The following SLC25A43 variants were observed in gnomAD, a reference collection of about 807,000 sequenced individuals.
SLC25A43 encodes solute carrier family 25 member 43.
In SLC25A43, 10 loss-of-function variants were observed where a neutral mutation model predicts 22.8. The ratio of observed to expected loss-of-function variants is 0.44; its 90% CI spans 0.27 to 0.74. SLC25A43 has a LOEUF of 0.74. SLC25A43 is among the 30% of genes least tolerant of loss of function. SLC25A43 has a pLI of 0.17. For missense variants in SLC25A43, 233 were observed against 279.1 expected, an observed-to-expected ratio of 0.83 and a Z score of 1.18; for synonymous variants, 106 against 121.6, an observed-to-expected ratio of 0.87 and a Z score of 0.84.
intron 3 of SLC25A43, among the ~76,000 whole-genome samples, chrX:119,415,290 C>A (rs912569177): frequency 4.5e-5 from 5 of 111,019 alleles, no homozygotes; most frequent in African/African-American, 1.6e-4. Flanking sequence ...AGGCTGGTAT[C>A]AAACTCCTGG....
intron 3 of SLC25A43, among the ~76,000 whole-genome samples, chrX:119,431,858 G>A (rs190875763): frequency 3.6e-5 from 4 of 111,213 alleles, no homozygotes; most frequent in South Asian, 3.8e-4. Flanking sequence ...AGGTCTAAAC[G>A]AGAAGCTAAG....
chrX:119,434,651 A>G (rs11795581), intron 3 of SLC25A43: 21,132 of 107,412 alleles, frequency 0.2, 1,654 homozygotes, highest in African/African-American at 0.24. Context: ...CAGCATCACT[A>G]TGGTGACCTC....
At chrX:119,446,151 CAAAAAAAAAAA>C (rs3078475) in intron 3 of SLC25A43, among the ~76,000 whole-genome samples, 8 of 38,696 alleles carry the variant, frequency 2.1e-4, no homozygotes, top group Admixed American at 4.6e-4. Flanking sequence ...GACTCCATCT[CAAAAAAAAAAA>C]AAAAAAAAAA....
chrX:119,437,025 G>C (rs1430975283), intron 3 of SLC25A43, among the ~76,000 whole-genome samples: 1 of 11,089 alleles, frequency 9.0e-5, no homozygotes, highest in Non-Finnish European at 1.6e-4. Context: ...TTGGTAGCTT[G>C]ATGGGGATGG....
At chrX:119,444,139 G>T (rs1446283055) in intron 3 of SLC25A43, among the ~76,000 whole-genome samples, 1 of 111,483 alleles carries the variant, frequency 9.0e-6, no homozygotes, top group Non-Finnish European at 1.9e-5. Flanking sequence ...ATAAAATAAA[G>T]AATTGTGAAA....
chrX:119,442,874 C>A (rs1255992826), intron 3 of SLC25A43, among the ~76,000 whole-genome samples: 1 of 112,241 alleles, frequency 8.9e-6, no homozygotes, highest in Admixed American at 9.5e-5. Flanking sequence ...CACTCTTATA[C>A]TGAGCATTTT....
intron 3 of SLC25A43, among the ~76,000 whole-genome samples, chrX:119,428,750 A>T (rs2052529344): frequency 8.9e-6 from 1 of 112,212 alleles, no homozygotes; most frequent in Non-Finnish European, 1.9e-5. Context: ...GCGTGAAGTG[A>T]GTGGCCAGCG....
chrX:119,399,395 C>A lies in SLC25A43; in HGVS notation c.-9C>A. 1.0e-6 allele frequency: 1 copy of A among 994,486 alleles called. No individual in the cohort carries two copies. Among genetic ancestry groups the A allele is most frequent in the South Asian group, 3.3e-5 (1 of 29,945 alleles). The allele number at this position is 994,486 out of a possible 1,213,427, so 82.0% of individuals were successfully genotyped here. A position where few individuals can be genotyped will look rare whatever the true frequency, so the allele number is the denominator to read the frequency against. On this transcript the variant is annotated 5_prime_UTR_variant, in exon 1 of 5. Transcript: ENST00000217909. The stretch of plus-strand genomic sequence containing the variant: ...GCCACGCGGTCTTCCGGGCCCGGGT[C>A]GGGGCTCGATGGCTACGTGGAGGCG...
chrX:119,406,408 CT>C, intron 1 of SLC25A43, 51 bp from the exon 2 acceptor site: 1 of 1,192,529 alleles, frequency 8.4e-7, no homozygotes, highest in Non-Finnish European at 1.1e-6. Context: ...GGAGAGAACT[CT>C]AGCACAATCC....
intron 2 of SLC25A43, among the ~76,000 whole-genome samples, chrX:119,409,599 T>A (rs929354756): frequency 1.9e-5 from 2 of 108,104 alleles, no homozygotes; most frequent in Non-Finnish European, 3.8e-5. Context: ...TGTCATTAAC[T>A]AGAGTTCAAT....
intron 2 of SLC25A43, among the ~76,000 whole-genome samples, chrX:119,409,914 C>T (rs1369772173): frequency 8.9e-6 from 1 of 112,527 alleles, no homozygotes; most frequent in Non-Finnish European, 1.9e-5. Context: ...CCACGCCCAG[C>T]CGTATGGTTG....
intron 3 of SLC25A43, among the ~76,000 whole-genome samples, chrX:119,418,427 G>A (rs2052424721): frequency 8.9e-6 from 1 of 111,781 alleles, no homozygotes; most frequent in Admixed American, 9.5e-5. Context: ...CAAATCAATG[G>A]CAGGTGTCTG....
In SLC25A43 at chrX:119,402,260, G is replaced by C. The variant is rs2052244867; in HGVS notation, c.275+2582G>C. Among the ~76,000 whole-genome samples the C allele has an allele frequency of 2.7e-5, 3 of 111,890 alleles. No homozygotes were observed. The Admixed American group carries it at 2.9e-4, about 11-fold the overall frequency. On this transcript the variant is annotated intron_variant, in intron 1 of 4. Transcript: ENST00000217909. ...GACTTGTCCACAAATGCAATTAATG[G>C]AAGAGCTGGAACTTGAAGCCAAGTC...
chrX:119,425,232 C>T (rs1403295779), intron 3 of SLC25A43, among the ~76,000 whole-genome samples: 1 of 111,818 alleles, frequency 8.9e-6, no homozygotes, highest in Non-Finnish European at 1.9e-5. Flanking sequence ...CAGCCTTGAA[C>T]GACAACTGCT....
chrX:119,452,626 C>A (rs1482103869), intron 4 of SLC25A43, among the ~76,000 whole-genome samples: 1 of 111,546 alleles, frequency 9.0e-6, no homozygotes, highest in Non-Finnish European at 1.9e-5. Flanking sequence ...TGCATATGAC[C>A]CAGATCTAGT....
intron 2 of SLC25A43, among the ~76,000 whole-genome samples, chrX:119,409,527 T>A (rs1170860336): frequency 9.4e-6 from 1 of 105,901 alleles, no homozygotes; most frequent in African/African-American, 3.4e-5. Context: ...TTTTTTTTTT[T>A]AATGATTTCA....
intron 3 of SLC25A43, among the ~76,000 whole-genome samples, chrX:119,447,988 ACTC>A (rs1193829551): frequency 9.0e-6 from 1 of 111,109 alleles, no homozygotes; most frequent in Non-Finnish European, 1.9e-5. Context: ...GCGCAGTTGA[ACTC>A]CTGATGTTTT....
intron 3 of SLC25A43, among the ~76,000 whole-genome samples, chrX:119,424,683 G>A (rs905343643): frequency 6.2e-5 from 7 of 112,498 alleles, no homozygotes; most frequent in Non-Finnish European, 5.6e-5. Context: ...GTCTTAATCC[G>A]TTCAGGCTGC....
Position 119,453,201 on chromosome X carries a change from A to T in SLC25A43, c.*136A>T. The T allele has an allele frequency of 1.9e-6, 1 of 530,616 alleles. No homozygotes were observed. Among genetic ancestry groups the T allele is most frequent in the Non-Finnish European group, 3.1e-6 (1 of 320,590 alleles). The allele number at this position is 530,616 out of a possible 1,213,427, so 43.7% of individuals were successfully genotyped here. On this transcript the variant is annotated 3_prime_UTR_variant, in exon 5 of 5. Transcript: ENST00000217909. Reference sequence around the variant, plus strand: ...CTCTGGGAAATGAGATGGTTTGGCCATGCACCACCTCAGATCTCCAAACTG... The same window carrying T: ...CTCTGGGAAATGAGATGGTTTGGCCTTGCACCACCTCAGATCTCCAAACTG...
Sources: gnomAD v4.1 joint callset for allele counts (sites outside exome capture counted in the v4.1 genomes callset) on GRCh38, gnomAD v4.1.1 for gene constraint, MANE v1.5 for transcripts, NCBI Gene and HGNC (gene_info 2026-07-23, HGNC 2026-07-21) for gene names.